ATP8B4: variants seen among roughly 807,000 people sequenced by gnomAD.
The protein encoded by ATP8B4 is ATPase phospholipid transporting 8B4 (putative), also known as probable phospholipid-transporting ATPase IM.
A neutral mutation model predicts 145.6 loss-of-function variants in ATP8B4; 133 were observed. That is an observed-to-expected ratio of 0.91 (90% CI 0.79 to 1.05). The LOEUF is 1.05. ATP8B4 is among the 50% of genes least tolerant of loss of function. ATP8B4 has a pLI of 0.00. For missense variants in ATP8B4, 1,458 were observed against 1,425.2 expected, an observed-to-expected ratio of 1.02 and a Z score of -0.37; for synonymous variants, 507 against 492.9, an observed-to-expected ratio of 1.03 and a Z score of -0.38.
At chr15:49,945,979 A>T (rs1046945986) in intron 14 of ATP8B4, among the ~76,000 whole-genome samples, 2 of 152,224 alleles carry the variant, frequency 1.3e-5, no homozygotes, top group Admixed American at 6.5e-5. Context: ...TACTAGATGT[A>T]ATACTAGTAG....
At chr15:49,961,333 C>A (rs193247530) in intron 14 of ATP8B4, among the ~76,000 whole-genome samples, 15 of 152,296 alleles carry the variant, frequency 9.8e-5, no homozygotes, top group African/African-American at 3.4e-4. Context: ...ATCAGACACT[C>A]TTACACTTGT....
chr15:50,047,621 G>A (rs1047297856), intron 3 of ATP8B4, among the ~76,000 whole-genome samples, 157 bp from the exon 4 acceptor site: 6 of 151,926 alleles, frequency 3.9e-5, no homozygotes, highest in African/African-American at 1.5e-4. Context: ...TTTTTCCCAA[G>A]ATGATATGCT....
At chr15:50,177,427 A>G (rs2044779829) in intron 1 of ATP8B4, among the ~76,000 whole-genome samples, 2 of 152,258 alleles carry the variant, frequency 1.3e-5, no homozygotes, top group Admixed American at 1.3e-4. Flanking sequence ...GTAAGAAACA[A>G]TCAAAAGCCC....
intron 14 of ATP8B4, among the ~76,000 whole-genome samples, chr15:49,958,242 A>T (rs2043757192): frequency 1.3e-5 from 2 of 151,560 alleles, no homozygotes; most frequent in African/African-American, 4.8e-5. Context: ...AATAAACTAC[A>T]TGCCAAAATA....
intron 14 of ATP8B4, among the ~76,000 whole-genome samples, chr15:49,950,971 A>G (rs563564130): frequency 6.6e-6 from 1 of 152,306 alleles, no homozygotes; most frequent in Non-Finnish European, 1.5e-5. Flanking sequence ...GTCATTCAGA[A>G]GCAGGTTGTT....
chr15:50,043,469 G>A (rs1010596978), intron 5 of ATP8B4, among the ~76,000 whole-genome samples: 20 of 151,800 alleles, frequency 1.3e-4, no homozygotes, highest in African/African-American at 4.3e-4. Context: ...CCCTTCCTCT[G>A]CTTCTGCAAC....
intron 1 of ATP8B4, among the ~76,000 whole-genome samples, chr15:50,146,202 CG>C (rs539608621): frequency 1.1e-3 from 164 of 151,966 alleles, no homozygotes; most frequent in African/African-American, 3.7e-3. Context: ...TTAGTAGAGA[CG>C]GGGTTTCACC....
intron 25 of ATP8B4, among the ~76,000 whole-genome samples, chr15:49,873,289 A>G (rs2033917831): frequency 6.6e-6 from 1 of 152,160 alleles, no homozygotes; most frequent in Non-Finnish European, 1.5e-5. Flanking sequence ...CTTTAAGGAG[A>G]TAACCTTAGA....
intron 25 of ATP8B4, 99 bp downstream of exon 25, chr15:49,876,179 A>C (rs2034387827): frequency 3.4e-6 from 5 of 1,463,174 alleles, no homozygotes; most frequent in Non-Finnish European, 4.6e-6. Context: ...GTATTCCTTT[A>C]GGATTATTTC....
intron 16 of ATP8B4, 33 bp from the exon 17 acceptor site, chr15:49,923,527 T>C (rs1438314838): frequency 8.4e-6 from 12 of 1,423,784 alleles, no homozygotes; most frequent in African/African-American, 1.4e-5. Context: ...AAGCAGAATA[T>C]AATCAACGTC....
intron 1 of ATP8B4, among the ~76,000 whole-genome samples, chr15:50,140,263 C>G (rs1173650277): frequency 6.6e-6 from 1 of 152,066 alleles, no homozygotes; most frequent in Non-Finnish European, 1.5e-5. Context: ...CCAGGGTAAC[C>G]ATGACAACAC....
chr15:50,047,532 A>C, intron 3 of ATP8B4, 68 bp from the exon 4 acceptor site: 1 of 974,498 alleles, frequency 1.0e-6, no homozygotes, highest in Non-Finnish European at 1.6e-6. Context: ...TAGCTCTAAA[A>C]CCTACAAGCC....
At chr15:49,895,268 C>T (rs2037278225) in intron 23 of ATP8B4, 1 of 152,314 alleles carries the variant, frequency 6.6e-6, no homozygotes, top group South Asian at 2.1e-4. Context: ...GGAAGCAGAA[C>T]TTGGGATACT....
At chr15:50,174,566 A>C (rs1595670865) in intron 1 of ATP8B4, among the ~76,000 whole-genome samples, 1 of 151,928 alleles carries the variant, frequency 6.6e-6, no homozygotes, top group Admixed American at 6.6e-5. Flanking sequence ...AAAAAAAAAA[A>C]AACTTAGGAA....
At chr15:49,998,528 T>C (rs1290857570) in intron 8 of ATP8B4, among the ~76,000 whole-genome samples, 3 of 152,242 alleles carry the variant, frequency 2.0e-5, no homozygotes, top group African/African-American at 7.2e-5. Context: ...TTTGGCTGCA[T>C]AAATGTCTTC....
chr15:50,007,104 T>A (rs1028857860), intron 7 of ATP8B4, among the ~76,000 whole-genome samples: 5 of 93,374 alleles, frequency 5.4e-5, no homozygotes, highest in Non-Finnish European at 8.3e-5. Context: ...ATAAAAAAAA[T>A]AAATAAATAA....
At chr15:49,964,971 T>C (rs2044396079) in intron 13 of ATP8B4, among the ~76,000 whole-genome samples, 1 of 152,228 alleles carries the variant, frequency 6.6e-6, no homozygotes, top group African/African-American at 2.4e-5. Context: ...AACTATGTTT[T>C]GGGTTAAAGC....
Position 49,898,095 on chromosome 15 carries a change from C to T in ATP8B4, c.2446G>A (p.Gly816Arg). 3 of 1,613,772 alleles carry T rather than the reference C, an allele frequency of 1.9e-6. No homozygotes were observed. The highest frequency in any genetic ancestry group is 2.5e-6 in the Non-Finnish European group (3 of 1,179,800). Reference sequence around the variant, plus strand: ...TTAATCATGCTGACATCATTGGCTCCATCACCAATGGCCAAAGTAACAGCA... The same window carrying T: ...TTAATCATGCTGACATCATTGGCTCTATCACCAATGGCCAAAGTAACAGCA... ...RNAVTLAIGD[G>R]ANDVSMIKSA... The change falls in exon 22 of 28, where the codon GGA (glycine) becomes AGA (arginine). Residue 816 changes from glycine (G) to arginine (R), a missense_variant. Physicochemically the swap from Gly to Arg is moderately radical, Grantham distance 125. Transcript: ENST00000284509.
At chr15:50,095,760 A>AAAAAG (rs1165865376) in intron 2 of ATP8B4, among the ~76,000 whole-genome samples, 3 of 152,040 alleles carry the variant, frequency 2.0e-5, no homozygotes, top group Admixed American at 6.6e-5. Flanking sequence ...TTCTAAAAAA[A>AAAAAG]AAAAGAAAAG....
Sources: gnomAD v4.1 joint callset for allele counts (sites outside exome capture counted in the v4.1 genomes callset) on GRCh38, gnomAD v4.1.1 for gene constraint, MANE v1.5 for transcripts, NCBI Gene and HGNC (gene_info 2026-07-23, HGNC 2026-07-21) for gene names.